SOX6: variants seen among roughly 807,000 people sequenced by gnomAD.
SOX6 encodes the protein transcription factor SOX-6.
SOX6 carries 11 observed loss-of-function variants against 97.8 expected under a neutral mutation model. That is an observed-to-expected ratio of 0.11 (90% CI 0.07 to 0.19). SOX6 has a LOEUF of 0.19. Among genes scored for constraint, SOX6 ranks in the 10% least tolerant of loss-of-function variants. The pLI is 1.00. For synonymous variants in SOX6, 360 were observed against 371.4 expected (o/e 0.97, Z 0.35); for missense variants, 810 against 1,039.5 (o/e 0.78, Z 3.04).
intron 4 of SOX6, among the ~76,000 whole-genome samples, chr11:16,542,036 T>A (rs1861417432): frequency 6.6e-6 from 1 of 152,202 alleles, no homozygotes; most frequent in Non-Finnish European, 1.5e-5. Context: ...GTGGCACTAT[T>A]CACAATAGCA....
intron 1 of SOX6, among the ~76,000 whole-genome samples, chr11:16,428,832 C>T (rs1476309839): frequency 6.6e-6 from 1 of 152,012 alleles, no homozygotes; most frequent in Non-Finnish European, 1.5e-5. Context: ...TCCATATGAG[C>T]TTTAATGTAG....
chr11:16,511,544 C>T (rs1860880029), intron 4 of SOX6, among the ~76,000 whole-genome samples: 1 of 151,724 alleles, frequency 6.6e-6, no homozygotes. Context: ...TAATGTAGTA[C>T]CTGAATTCTA....
chr11:16,565,705 A>AAAATAAAAAAAT (rs1847865265), intron 4 of SOX6, among the ~76,000 whole-genome samples: 1 of 12,416 alleles, frequency 8.1e-5, no homozygotes, highest in African/African-American at 2.8e-4. Context: ...AAAAAATAAA[A>AAAATAAAAAAAT]AAATAAATAA....
intron 1 of SOX6, among the ~76,000 whole-genome samples, chr11:16,351,116 T>G (rs894195495): frequency 6.6e-5 from 10 of 152,146 alleles, no homozygotes; most frequent in African/African-American, 2.4e-4. Flanking sequence ...CTCAAATGAC[T>G]GTTAAGTATT....
At chr11:16,049,615 GT>G in intron 11 of SOX6, 139 bp downstream of exon 11, 1 of 985,832 alleles carries the variant, frequency 1.0e-6, no homozygotes, top group Non-Finnish European at 1.5e-6. Context: ...ACTAAATTGG[GT>G]TATGTTTCAG....
intron 3 of SOX6, among the ~76,000 whole-genome samples, chr11:16,310,072 A>G (rs1339101602): frequency 6.6e-6 from 1 of 152,112 alleles, no homozygotes; most frequent in Non-Finnish European, 1.5e-5. Flanking sequence ...TCTTCAAATG[A>G]ATTTTTAAAT....
chr11:15,975,114 C>T (rs1161293056), intron 15 of SOX6, among the ~76,000 whole-genome samples: 3 of 152,104 alleles, frequency 2.0e-5, no homozygotes, highest in Admixed American at 1.3e-4. Flanking sequence ...TGACATTGAC[C>T]CAGTTTTTAT....
chr11:16,060,018 TG>T (rs1354121592), intron 9 of SOX6, among the ~76,000 whole-genome samples: 2 of 152,028 alleles, frequency 1.3e-5, no homozygotes, highest in Non-Finnish European at 2.9e-5. Context: ...ATCTTAGAGA[TG>T]CTAACAGTCC....
chr11:16,269,671 C>T (rs1854189610), intron 3 of SOX6, among the ~76,000 whole-genome samples: 1 of 150,744 alleles, frequency 6.6e-6, no homozygotes, highest in African/African-American at 2.4e-5. Context: ...TTTAAGTTTA[C>T]TCCTAAATAT....
chr11:16,198,672 G>A (rs1220984680), intron 4 of SOX6, among the ~76,000 whole-genome samples: 3 of 152,096 alleles, frequency 2.0e-5, no homozygotes, highest in African/African-American at 4.8e-5. Flanking sequence ...CTGAAAAGGC[G>A]ATGAGATTAT....
chr11:16,028,074 C>G (rs983537809), intron 12 of SOX6, among the ~76,000 whole-genome samples: 1 of 152,188 alleles, frequency 6.6e-6, no homozygotes, highest in Admixed American at 6.5e-5. Context: ...GAAAACTGCT[C>G]TGACATTATT....
chr11:16,733,923 A>T (rs1171919998), intron 2 of SOX6, among the ~76,000 whole-genome samples: 1 of 150,314 alleles, frequency 6.7e-6, no homozygotes, highest in African/African-American at 2.4e-5. Context: ...GCTACTCAGG[A>T]GGCTGAGGCA....
chr11:16,125,119 C>G lies in SOX6; in HGVS notation c.778-13196G>C, dbSNP rs185146582. On this transcript the variant is annotated intron_variant, in intron 6 of 15. Transcript: ENST00000683767. ...TAAAATATGATCTTTCTAGTGATTC[C>G]ATATAAGATAGAAGCACATCATTTT... Among the ~76,000 whole-genome samples the G allele has an allele frequency of 2.0e-5, 3 of 152,070 alleles. No homozygotes were observed. In the East Asian group the frequency reaches 5.8e-4, roughly 29 times the overall value.
intron 1 of SOX6, among the ~76,000 whole-genome samples, chr11:16,452,676 G>GTCCC (rs1859741057): frequency 6.6e-6 from 1 of 152,128 alleles, no homozygotes; most frequent in South Asian, 2.1e-4. Flanking sequence ...CTGTAAAAAT[G>GTCCC]AGATTTCCTG....
intron 3 of SOX6, chr11:16,313,080 G>T (rs953093582): frequency 2.0e-5 from 3 of 152,082 alleles, no homozygotes; most frequent in Non-Finnish European, 2.9e-5. Context: ...AGTTTCAGAG[G>T]GGGCACTTCA....
intron 3 of SOX6, among the ~76,000 whole-genome samples, chr11:16,668,656 A>G (rs1372667680): frequency 6.6e-6 from 1 of 152,222 alleles, no homozygotes; most frequent in Non-Finnish European, 1.5e-5. Context: ...TGTTGCCTAC[A>G]GTAAACACAC....
chr11:16,390,338 A>G (rs192488156), intron 1 of SOX6, among the ~76,000 whole-genome samples: 1 of 152,190 alleles, frequency 6.6e-6, no homozygotes, highest in African/African-American at 2.4e-5. Context: ...CTTTCCCTGC[A>G]TTCTTCCAAA....
intron 15 of SOX6, among the ~76,000 whole-genome samples, chr11:15,977,950 G>T (rs954891753): frequency 6.6e-6 from 1 of 151,956 alleles, no homozygotes; most frequent in Admixed American, 6.6e-5. Context: ...CACGTTGACT[G>T]GCCTCCCTGT....
intron 4 of SOX6, among the ~76,000 whole-genome samples, chr11:16,563,901 T>C (rs1186303253): frequency 1.3e-5 from 2 of 152,162 alleles, no homozygotes; most frequent in Non-Finnish European, 2.9e-5. Context: ...ATAATTCAAA[T>C]GACGCAGATT....
Sources: allele counts gnomAD v4.1 joint callset (sites outside exome capture counted in the v4.1 genomes callset), GRCh38; gene constraint gnomAD v4.1.1; transcripts MANE v1.5; gene names NCBI Gene and HGNC (gene_info 2026-07-23, HGNC 2026-07-21).